CATSPERE: variants seen among roughly 807,000 people sequenced by gnomAD.
The protein encoded by CATSPERE is catsper channel auxiliary subunit epsilon.
CATSPERE carries 93 observed loss-of-function variants against 114.1 expected under a neutral mutation model. The observed-to-expected ratio is 0.81, with a 90% CI of 0.69 to 0.97. The LOEUF (loss-of-function observed/expected upper bound fraction) is 0.97. Ranked by LOEUF, CATSPERE falls within the 50% of genes least tolerant of loss-of-function variation. The pLI, the probability that CATSPERE is intolerant of heterozygous loss-of-function variation, is 0.00. For missense variants in CATSPERE, 1,058 were observed against 1,131.6 expected, an observed-to-expected ratio of 0.93 and a Z score of 0.93; for synonymous variants, 341 against 384.1, an observed-to-expected ratio of 0.89 and a Z score of 1.31.
At chr1:244,637,463 G>T (rs1674773426) in intron 21 of CATSPERE, among the ~76,000 whole-genome samples, 1 of 152,078 alleles carries the variant, frequency 6.6e-6, no homozygotes, top group Non-Finnish European at 1.5e-5. Context: ...GTCATTACTT[G>T]TAACTTCTCT....
chr1:244,500,348 A>G (rs1033406458), intron 7 of CATSPERE, among the ~76,000 whole-genome samples: 23 of 152,320 alleles, frequency 1.5e-4, no homozygotes, highest in Middle Eastern at 3.4e-3. Context: ...CTTTAGCTTA[A>G]TTAGATCCCA....
intron 1 of CATSPERE, among the ~76,000 whole-genome samples, chr1:244,462,477 G>T (rs529565323): frequency 5.2e-4 from 79 of 152,208 alleles, no homozygotes; most frequent in African/African-American, 1.8e-3. Flanking sequence ...AGGAGAAAAG[G>T]CCTGCCAGGA....
chr1:244,585,822 G>C (rs1031017454), intron 13 of CATSPERE, among the ~76,000 whole-genome samples: 1 of 152,222 alleles, frequency 6.6e-6, no homozygotes, highest in Admixed American at 6.5e-5. Flanking sequence ...CTCCAACAAG[G>C]CTGCATCTCA....
intron 7 of CATSPERE, among the ~76,000 whole-genome samples, chr1:244,500,309 A>T (rs1236968547): frequency 6.6e-6 from 1 of 152,082 alleles, no homozygotes; most frequent in Non-Finnish European, 1.5e-5. Flanking sequence ...TTTCACTCTG[A>T]TGGTAGTTTC....
intron 8 of CATSPERE, among the ~76,000 whole-genome samples, chr1:244,528,785 C>CCACACACGCACGCACGCACACA (rs749801424): frequency 7.7e-6 from 1 of 130,536 alleles, no homozygotes; most frequent in African/African-American, 3.0e-5. Context: ...CAATCCCCCA[C>CCACACACGCACGCACGCACACA]CACACACACA....
chr1:244,517,330 A>G (rs888964580), intron 7 of CATSPERE, among the ~76,000 whole-genome samples: 2 of 151,950 alleles, frequency 1.3e-5, no homozygotes, highest in South Asian at 2.1e-4. Flanking sequence ...TCTTTGCTAC[A>G]TTAAGAATGC....
At chr1:244,565,241 G>A (rs1325127142) in intron 10 of CATSPERE, among the ~76,000 whole-genome samples, 1 of 152,036 alleles carries the variant, frequency 6.6e-6, no homozygotes, top group African/African-American at 2.4e-5. Flanking sequence ...AGGTTTTGGT[G>A]TCAGAATGAT....
chr1:244,593,635 C>T (rs928485123), intron 17 of CATSPERE, 57 bp downstream of exon 17: 18 of 1,396,246 alleles, frequency 1.3e-5, no homozygotes, highest in East Asian at 4.6e-5. Context: ...ACTCAAAGCA[C>T]GAAAACAAGA....
At chr1:244,596,936 C>T (rs1214157506) in intron 17 of CATSPERE, among the ~76,000 whole-genome samples, 3 of 152,138 alleles carry the variant, frequency 2.0e-5, no homozygotes, top group Non-Finnish European at 4.4e-5. Flanking sequence ...ACCTGTCCAT[C>T]CTCAAGCAAC....
intron 13 of CATSPERE, among the ~76,000 whole-genome samples, chr1:244,586,620 C>T (rs1265605701): frequency 6.6e-6 from 1 of 152,148 alleles, no homozygotes; most frequent in Non-Finnish European, 1.5e-5. Context: ...GGTTTAGCAG[C>T]ATCAACTCTT....
intron 10 of CATSPERE, among the ~76,000 whole-genome samples, chr1:244,562,361 T>C (rs1285038577): frequency 2.0e-5 from 3 of 151,936 alleles, no homozygotes; most frequent in Non-Finnish European, 4.4e-5. Flanking sequence ...CATATTAGCC[T>C]TCAGTTCTTT....
At chr1:244,584,383 T>C (rs1666710491) in intron 13 of CATSPERE, among the ~76,000 whole-genome samples, 1 of 151,860 alleles carries the variant, frequency 6.6e-6, no homozygotes. Context: ...TTACTGAGAC[T>C]GGGAGGGGAA....
chr1:244,563,840 G>A (rs1662981743), intron 10 of CATSPERE, among the ~76,000 whole-genome samples: 1 of 152,152 alleles, frequency 6.6e-6, no homozygotes, highest in Admixed American at 6.5e-5. Flanking sequence ...CCATGCCTAT[G>A]TCCTGAATGG....
chr1:244,479,666 G>A (rs1669945257), intron 4 of CATSPERE, 51 bp from the exon 5 acceptor site: 3 of 1,142,028 alleles, frequency 2.6e-6, no homozygotes, highest in Non-Finnish European at 3.9e-6. Flanking sequence ...ATCCATATTT[G>A]CATTTGATTT....
chr1:244,637,130 G>A (rs943982180), intron 21 of CATSPERE, among the ~76,000 whole-genome samples: 1 of 151,980 alleles, frequency 6.6e-6, no homozygotes, highest in Non-Finnish European at 1.5e-5. Context: ...ACCTCAGGGG[G>A]CCCTATTACC....
chr1:244,526,675 T>G (rs3003265), intron 8 of CATSPERE, among the ~76,000 whole-genome samples: 50,112 of 148,226 alleles, frequency 0.34, 10,034 homozygotes, highest in African/African-American at 0.57. Context: ...TTTAGACAGG[T>G]TCTCACTCTG....
At chr1:244,512,326 A>G (rs537495105) in intron 7 of CATSPERE, among the ~76,000 whole-genome samples, 49 of 152,294 alleles carry the variant, frequency 3.2e-4, no homozygotes, top group African/African-American at 1.1e-3. Context: ...CCATTGTTAA[A>G]GCTCTTAATT....
intron 8 of CATSPERE, among the ~76,000 whole-genome samples, chr1:244,551,956 C>T (rs1660705316): frequency 6.9e-6 from 1 of 144,076 alleles, no homozygotes; most frequent in Non-Finnish European, 1.5e-5. Flanking sequence ...CCCAGCTACT[C>T]AGGAGGTTGA....
rs1207327610 is a variant in CATSPERE at position 244,575,427 on chromosome 1, TCA to T, written c.1950+2659_1950+2660del. Among the ~76,000 whole-genome samples the T allele has an allele frequency of 6.6e-6, 1 of 152,200 alleles. No homozygotes were observed. The highest frequency in any genetic ancestry group is 2.4e-5 in the African/African-American group (1 of 41,450). ...GCATGGTATCCTGGCCCCGGCACAC[TCA>T]CACTTTCCTGCTCAGCTCTAACTTG... On this transcript the variant is annotated intron_variant, in intron 11 of 21. Transcript: ENST00000366534. This position sits in a 1 kb window ranked among gnomAD's most constrained non-coding sequence, Gnocchi z 4.5.
Sources: gnomAD v4.1 joint callset for allele counts (sites outside exome capture counted in the v4.1 genomes callset) on GRCh38, gnomAD v4.1.1 for gene constraint, Gnocchi (gnomAD v3.1) non-coding constraint, MANE v1.5 for transcripts, NCBI Gene and HGNC (gene_info 2026-07-23, HGNC 2026-07-21) for gene names.